Variants in PRPF39 observed in about 807,000 individuals in gnomAD.
PRPF39 encodes the protein pre-mRNA processing factor 39, also known as pre-mRNA-processing factor 39.
A neutral mutation model predicts 82.1 loss-of-function variants in PRPF39; 27 were observed. The observed-to-expected ratio is 0.33, with a 90% confidence interval of 0.24 to 0.45. PRPF39 has a LOEUF of 0.45. Among genes scored for constraint, PRPF39 ranks in the 20% least tolerant of loss-of-function variants. The pLI is 1.00. For missense variants in PRPF39, 581 were observed against 796.9 expected, an observed-to-expected ratio of 0.73 and a Z score of 3.26; for synonymous variants, 261 against 256.4, an observed-to-expected ratio of 1.02 and a Z score of -0.17.
At chr14:45,097,827 A>G (rs183441294) in intron 4 of PRPF39, among the ~76,000 whole-genome samples, 2 of 152,348 alleles carry the variant, frequency 1.3e-5, no homozygotes, top group Non-Finnish European at 2.9e-5. Context: ...AAAAAAAAGC[A>G]TGTGCATATT....
intron 3 of PRPF39, 55 bp from the exon 4 acceptor site, chr14:45,096,830 CCT>C: frequency 2.0e-6 from 3 of 1,534,442 alleles, no homozygotes; most frequent in Non-Finnish European, 2.6e-6. Flanking sequence ...CACAGTGTTG[CCT>C]CTCTGTTAAG....
intron 2 of PRPF39, 30 bp downstream of exon 2, chr14:45,095,593 G>A (rs752053628): frequency 7.9e-6 from 12 of 1,512,750 alleles, no homozygotes; most frequent in East Asian, 2.4e-5. Context: ...GTATCAGAAG[G>A]GACAAATTAA....
At position 45,108,453 on chromosome 14, in the gene PRPF39, T is replaced by C; in HGVS notation, c.942T>C (p.Ile314=). 6.3e-7 allele frequency: 1 copy of C among 1,596,106 alleles called. No individual in the cohort carries two copies. Among genetic ancestry groups the C allele is most frequent in the Non-Finnish European group, 8.5e-7 (1 of 1,175,092 alleles). ...TAGAAAACATGAGACATAGAATCAT[T>C]GAGATTCATCAAGAAATGTTTAATT... ...TEIENMRHRI[I]EIHQEMFNYN... Residue 314 remains isoleucine (I), a synonymous_variant, in exon 7 of 14, where the codon ATT becomes ATC. Transcript: ENST00000355765.
intron 4 of PRPF39, among the ~76,000 whole-genome samples, chr14:45,101,346 C>G (rs1884366840): frequency 6.6e-6 from 1 of 152,078 alleles, no homozygotes; most frequent in African/African-American, 2.4e-5. Context: ...AGATACTTAT[C>G]TTGAAAGTAT....
At chr14:45,098,691 T>C (rs1884278993) in intron 4 of PRPF39, among the ~76,000 whole-genome samples, 1 of 152,166 alleles carries the variant, frequency 6.6e-6, no homozygotes, top group South Asian at 2.1e-4. Flanking sequence ...CATTTTTTCC[T>C]CTCCTTTGAG....
In PRPF39 at chr14:45,107,466, A is replaced by G. The variant is rs1371434285; in HGVS notation, c.753A>G (p.Val251=). The change falls in exon 6 of 14, where the codon GTA becomes GTG. Residue 251 remains valine (V), a synonymous_variant. Transcript: ENST00000355765. ...SHHFQRFKEH[V]QNNLPRDLLT... is the part of the protein sequence containing the mutation. Reference sequence around the variant, plus strand: ...CTTCCTTTAGATTTAAAGAACATGTACAGAATAATTTGCCTAGAGATCTTT... The same window carrying G: ...CTTCCTTTAGATTTAAAGAACATGTGCAGAATAATTTGCCTAGAGATCTTT... 5.2e-6 allele frequency: 8 copies of G among 1,546,874 alleles called. No homozygotes were observed. Among genetic ancestry groups the G allele is most frequent in the Non-Finnish European group, 7.0e-6 (8 of 1,136,332 alleles).
intron 1 of PRPF39, among the ~76,000 whole-genome samples, chr14:45,094,170 T>G (rs921319991): frequency 2.6e-5 from 4 of 152,276 alleles, no homozygotes; most frequent in Admixed American, 1.3e-4. Flanking sequence ...ATCAGTTTTA[T>G]GGTCTGCTTA....
intron 13 of PRPF39, 85 bp downstream of exon 13, chr14:45,114,699 T>C (rs1276882245): frequency 1.3e-6 from 2 of 1,485,886 alleles, no homozygotes; most frequent in African/African-American, 2.8e-5. Context: ...AAAAAGTTTT[T>C]GTTCCAATTG....
intron 11 of PRPF39, among the ~76,000 whole-genome samples, chr14:45,113,859 G>C (rs1381652433): frequency 6.6e-6 from 1 of 152,170 alleles, no homozygotes; most frequent in Non-Finnish European, 1.5e-5. Flanking sequence ...TTGAAAGCTA[G>C]ACTGAATTGA....
At chr14:45,111,079 T>G in intron 10 of PRPF39, 2 of 401,528 alleles carry the variant, frequency 5.0e-6, no homozygotes, top group Admixed American at 8.2e-5. Flanking sequence ...TTAGAAATTA[T>G]CAACAAATTT....
In PRPF39 at chr14:45,095,446, G is replaced by A. The variant is rs373307062; in HGVS notation, c.207G>A (p.Thr69=). 2.8e-5 allele frequency: 45 copies of A among 1,613,930 alleles called. No individual in the cohort carries two copies. In the African/African-American group the frequency reaches 4.4e-4, roughly 16 times the overall value. ...EMASAVDLPV[T]LTETEANFPP... ...CAAGTGCTGTGGACCTTCCAGTGAC[G>A]CTGACAGAAACAGAAGCAAATTTCC... The change falls in exon 2 of 14, where the codon ACG becomes ACA. Residue 69 remains threonine (T), a synonymous_variant. Transcript: ENST00000355765.
intron 1 of PRPF39, among the ~76,000 whole-genome samples, chr14:45,085,003 C>G (rs1022792683): frequency 1.1e-4 from 17 of 152,088 alleles, no homozygotes; most frequent in African/African-American, 4.1e-4. Flanking sequence ...ATATGGCCTT[C>G]TGTTTGAGGA....
rs1454021727 is a variant in PRPF39 at position 45,114,996 on chromosome 14, G to A, written c.*83G>A. The A allele has an allele frequency of 1.8e-6, 2 of 1,102,006 alleles. No homozygotes were observed. Among genetic ancestry groups the A allele is most frequent in the Non-Finnish European group, 2.7e-6 (2 of 750,460 alleles). The allele number at this position is 1,102,006 out of a possible 1,614,324, so 68.3% of individuals were successfully genotyped here. ...TTAATGAGGGATGTAAACAGTATAA[G>A]CTTGTTGTATTTGATAACCTGTCTT... On this transcript the variant is annotated 3_prime_UTR_variant, in exon 14 of 14. Transcript: ENST00000355765.
At chr14:45,090,184 G>A (rs1404465270) in intron 1 of PRPF39, among the ~76,000 whole-genome samples, 1 of 152,062 alleles carries the variant, frequency 6.6e-6, no homozygotes, top group Non-Finnish European at 1.5e-5. Context: ...ATCTTCAAAC[G>A]TATCTTTTTC....
At chr14:45,102,407 A>T in intron 4 of PRPF39, 122 bp from the exon 5 acceptor site, 1 of 763,126 alleles carries the variant, frequency 1.3e-6, no homozygotes, top group Non-Finnish European at 2.0e-6. Flanking sequence ...TTTAATCCCT[A>T]CTTGCATAGG....
intron 1 of PRPF39, among the ~76,000 whole-genome samples, chr14:45,090,055 G>C (rs1883971162): frequency 6.6e-6 from 1 of 152,192 alleles, no homozygotes; most frequent in Non-Finnish European, 1.5e-5. Flanking sequence ...AATTAGAATA[G>C]GGTAGCTAGT....
intron 1 of PRPF39, among the ~76,000 whole-genome samples, chr14:45,089,500 G>C (rs1257710238): frequency 6.6e-6 from 1 of 152,098 alleles, no homozygotes; most frequent in Non-Finnish European, 1.5e-5. Flanking sequence ...GCAGGGTCTG[G>C]CTCTGTCACC....
intron 6 of PRPF39, among the ~76,000 whole-genome samples, chr14:45,108,169 C>A (rs905221094): frequency 6.6e-6 from 1 of 151,890 alleles, no homozygotes; most frequent in Non-Finnish European, 1.5e-5. Context: ...AATATTTTGC[C>A]TAGGTTGTGT....
intron 11 of PRPF39, 54 bp downstream of exon 11, chr14:45,112,556 TG>T: frequency 1.4e-6 from 2 of 1,395,744 alleles, no homozygotes; most frequent in Non-Finnish European, 9.3e-7. Context: ...TTGATATTTT[TG>T]TATGGGGATT....
Sources: allele counts gnomAD v4.1 joint callset (sites outside exome capture counted in the v4.1 genomes callset), GRCh38; gene constraint gnomAD v4.1.1; transcripts MANE v1.5; gene names NCBI Gene and HGNC (gene_info 2026-07-23, HGNC 2026-07-21).